NPAS3: variants seen among roughly 807,000 people sequenced by gnomAD.
The protein encoded by NPAS3 is neuronal PAS domain-containing protein 3.
Under a neutral mutation model 73.1 loss-of-function variants are expected in NPAS3, and 14 were observed. The observed-to-expected ratio is 0.19, with a 90% CI of 0.13 to 0.30. The LOEUF (loss-of-function observed/expected upper bound fraction) is 0.30. Ranked by LOEUF, NPAS3 falls within the 10% of genes least tolerant of loss-of-function variation. The pLI is 1.00. For missense variants in NPAS3, 1,096 were observed against 1,250.0 expected (o/e 0.88, Z 1.86); for synonymous variants, 620 against 541.5 (o/e 1.14, Z -2.01).
chr14:33,007,786 G>T (rs2039048575), intron 1 of NPAS3, among the ~76,000 whole-genome samples: 1 of 152,160 alleles, frequency 6.6e-6, no homozygotes, highest in Non-Finnish European at 1.5e-5. Flanking sequence ...TGGCTTTGAG[G>T]GCCATATGGT....
At chr14:33,761,028 T>G (rs2140827494) in intron 7 of NPAS3, among the ~76,000 whole-genome samples, 1 of 152,318 alleles carries the variant, frequency 6.6e-6, no homozygotes, top group African/African-American at 2.4e-5. Context: ...GAGAATCACC[T>G]AAGGTAATGA....
intron 4 of NPAS3, among the ~76,000 whole-genome samples, chr14:33,403,173 G>T (rs2138777617): frequency 6.6e-6 from 1 of 152,074 alleles, no homozygotes; most frequent in Non-Finnish European, 1.5e-5. Context: ...TTTTTATTAA[G>T]AGATGTTTCC....
chr14:32,943,693 C>CTTTTT (rs11331212), intron 1 of NPAS3, among the ~76,000 whole-genome samples: 2 of 122,310 alleles, frequency 1.6e-5, no homozygotes, highest in African/African-American at 3.1e-5. Flanking sequence ...TTTTCTTTTT[C>CTTTTT]TTTTTTTTTT....
chr14:33,726,193 C>G (rs1168662330), intron 6 of NPAS3, among the ~76,000 whole-genome samples: 1 of 152,216 alleles, frequency 6.6e-6, no homozygotes, highest in Non-Finnish European at 1.5e-5. Context: ...CCTTATCCCA[C>G]TTTTTGACTG....
intron 7 of NPAS3, among the ~76,000 whole-genome samples, chr14:33,745,883 G>T (rs987708087): frequency 2.0e-5 from 3 of 152,114 alleles, no homozygotes; most frequent in Non-Finnish European, 4.4e-5. Flanking sequence ...ATACCAAATG[G>T]TTTTCTTTGG....
chr14:33,105,733 A>G (rs1285307866), intron 2 of NPAS3, among the ~76,000 whole-genome samples: 1 of 151,880 alleles, frequency 6.6e-6, no homozygotes, highest in Non-Finnish European at 1.5e-5. Flanking sequence ...AGGCATACAT[A>G]TTGAACATAT....
intron 3 of NPAS3, among the ~76,000 whole-genome samples, chr14:33,279,453 C>T (rs982781892): frequency 1.3e-5 from 2 of 152,106 alleles, no homozygotes; most frequent in African/African-American, 4.8e-5. Flanking sequence ...ACCAGCTAAT[C>T]GCTAATGAAG....
intron 3 of NPAS3, among the ~76,000 whole-genome samples, chr14:33,305,914 C>T (rs1206859951): frequency 6.6e-6 from 1 of 152,212 alleles, no homozygotes; most frequent in East Asian, 1.9e-4. Context: ...AAGTGTAGGC[C>T]CAGCAAAACA....
intron 3 of NPAS3, among the ~76,000 whole-genome samples, chr14:33,241,893 A>G (rs897178770): frequency 6.6e-6 from 1 of 152,060 alleles, no homozygotes; most frequent in Non-Finnish European, 1.5e-5. Context: ...AAAACTTTGC[A>G]TGGTGAATAG....
intron 3 of NPAS3, among the ~76,000 whole-genome samples, chr14:33,309,298 C>G (rs768573051): frequency 6.6e-5 from 10 of 152,184 alleles, no homozygotes; most frequent in Non-Finnish European, 1.5e-4. Context: ...TTGCAGTCTG[C>G]TCACTCAACT....
chr14:33,482,810 C>A (rs1429321001), intron 4 of NPAS3, among the ~76,000 whole-genome samples: 2 of 152,120 alleles, frequency 1.3e-5, no homozygotes, highest in Non-Finnish European at 2.9e-5. Context: ...TTTGGAGGTG[C>A]CGTATCTGCC....
intron 4 of NPAS3, among the ~76,000 whole-genome samples, chr14:33,421,858 T>A (rs1352959869): frequency 6.6e-6 from 1 of 151,948 alleles, no homozygotes; most frequent in South Asian, 2.1e-4. Context: ...AGAAGAAAGA[T>A]GATTAGATTG....
intron 3 of NPAS3, among the ~76,000 whole-genome samples, chr14:33,332,041 G>C (rs74042044): frequency 0.014 from 2,202 of 152,164 alleles, 48 homozygotes; most frequent in African/African-American, 0.05. Context: ...TTTAGCCTAC[G>C]TTTTTTAGAC....
intron 1 of NPAS3, among the ~76,000 whole-genome samples, chr14:33,055,654 C>T (rs920482192): frequency 1.8e-4 from 28 of 151,468 alleles, no homozygotes; most frequent in African/African-American, 6.3e-4. Flanking sequence ...ACTTTTATGA[C>T]TCTGAGATTT....
chr14:33,778,586 G>C lies in NPAS3; in HGVS notation c.1153+14G>C. 2 of 1,568,476 alleles carry C rather than the reference G, an allele frequency of 1.3e-6. No individual in the cohort carries two copies. The highest frequency in any genetic ancestry group is 1.8e-6 in the Non-Finnish European group (2 of 1,138,498). ...GTCACTTGGACTGTAAGTACCTCCT[G>C]TGTGGGGGAATAACCCCGGCTGGTG... On this transcript the variant is annotated intron_variant, in intron 9 of 11. Transcript: ENST00000356141.
chr14:33,215,666 T>A, intron 3 of NPAS3: 2 of 676,674 alleles, frequency 3.0e-6, no homozygotes, highest in Admixed American at 2.5e-5. Flanking sequence ...ATATAAGATT[T>A]CAGAGAAATG....
intron 3 of NPAS3, among the ~76,000 whole-genome samples, chr14:33,267,889 G>A (rs2040887465): frequency 2.0e-5 from 3 of 152,160 alleles, no homozygotes; most frequent in Admixed American, 2.0e-4. Context: ...CCTACATAGT[G>A]AAGAGCCAGT....
At chr14:33,633,014 T>TA (rs1229145885) in intron 5 of NPAS3, among the ~76,000 whole-genome samples, 1 of 151,968 alleles carries the variant, frequency 6.6e-6, no homozygotes, top group East Asian at 1.9e-4. Flanking sequence ...TTGAGAATAA[T>TA]AAAAAAATCC....
chr14:33,540,986 C>T (rs181582150), intron 4 of NPAS3, among the ~76,000 whole-genome samples: 1 of 151,930 alleles, frequency 6.6e-6, no homozygotes, highest in Non-Finnish European at 1.5e-5. Flanking sequence ...TTTTCCCCCC[C>T]AAGTCAGGAT....
Sources: gnomAD v4.1 joint callset for allele counts (sites outside exome capture counted in the v4.1 genomes callset) on GRCh38, gnomAD v4.1.1 for gene constraint, MANE v1.5 for transcripts, NCBI Gene and HGNC (gene_info 2026-07-23, HGNC 2026-07-21) for gene names.